Variants in NT5DC1 observed in about 807,000 individuals in gnomAD.
NT5DC1 encodes 5'-nucleotidase domain containing 1, also known as 5'-nucleotidase domain-containing protein 1.
NT5DC1 carries 42 observed loss-of-function variants against 59.4 expected under a neutral mutation model. The ratio of observed to expected loss-of-function variants is 0.71; its 90% confidence interval spans 0.55 to 0.92. The LOEUF (loss-of-function observed/expected upper bound fraction) is 0.92. NT5DC1 is among the 40% of genes least tolerant of loss of function. NT5DC1 has a pLI of 0.00. For synonymous variants in NT5DC1, 172 were observed against 188.1 expected, an observed-to-expected ratio of 0.91 and a Z score of 0.70; for missense variants, 501 against 537.1, an observed-to-expected ratio of 0.93 and a Z score of 0.66.
intron 6 of NT5DC1, among the ~76,000 whole-genome samples, chr6:116,167,986 A>G (rs1053704410): frequency 5.9e-5 from 9 of 151,972 alleles, no homozygotes; most frequent in Non-Finnish European, 7.4e-5. Flanking sequence ...TTCAGTTATC[A>G]GTATAATTGT....
intron 6 of NT5DC1, among the ~76,000 whole-genome samples, chr6:116,126,861 A>G (rs548924770): frequency 4.6e-5 from 7 of 152,176 alleles, no homozygotes; most frequent in Non-Finnish European, 1.0e-4. Context: ...TAAAAAAAAT[A>G]TTATTGGCTT....
intron 6 of NT5DC1, among the ~76,000 whole-genome samples, chr6:116,172,395 C>G (rs1179350464): frequency 6.9e-6 from 1 of 143,904 alleles, no homozygotes; most frequent in African/African-American, 2.6e-5. Flanking sequence ...AATCTTGGCT[C>G]GCTGCAACCT....
At chr6:116,157,021 G>A (rs988680724) in intron 6 of NT5DC1, among the ~76,000 whole-genome samples, 1 of 152,112 alleles carries the variant, frequency 6.6e-6, no homozygotes, top group African/African-American at 2.4e-5. Context: ...CTTTGCCTAA[G>A]TGCGTTCACT....
intron 8 of NT5DC1, among the ~76,000 whole-genome samples, chr6:116,232,546 T>C (rs1212215262): frequency 6.6e-6 from 1 of 151,876 alleles, no homozygotes; most frequent in Non-Finnish European, 1.5e-5. Flanking sequence ...CATAAATGCA[T>C]ATTTTTAAAC....
intron 1 of NT5DC1, 128 bp from the exon 2 acceptor site, chr6:116,106,116 C>G: frequency 1.4e-6 from 1 of 696,070 alleles, no homozygotes. Context: ...TGCAGAACTT[C>G]ACAATTACAG....
chr6:116,108,643 A>G (rs1251011413), intron 3 of NT5DC1, among the ~76,000 whole-genome samples: 1 of 152,206 alleles, frequency 6.6e-6, no homozygotes, highest in Non-Finnish European at 1.5e-5. Context: ...AGTTCCTTTA[A>G]GTTTACATCA....
chr6:116,127,229 T>TG (rs1432375136), intron 6 of NT5DC1, among the ~76,000 whole-genome samples: 1 of 152,144 alleles, frequency 6.6e-6, no homozygotes, highest in African/African-American at 2.4e-5. Context: ...GACCAGTGAA[T>TG]GAACTAAAGA....
At chr6:116,241,779 C>T (rs1167978575) in intron 11 of NT5DC1, among the ~76,000 whole-genome samples, 2 of 151,382 alleles carry the variant, frequency 1.3e-5, no homozygotes, top group Non-Finnish European at 2.9e-5. Flanking sequence ...AAAAATTAGC[C>T]AGGCGTGGTG....
intron 6 of NT5DC1, among the ~76,000 whole-genome samples, chr6:116,193,851 A>G (rs953854927): frequency 2.0e-5 from 3 of 152,004 alleles, no homozygotes; most frequent in Admixed American, 6.6e-5. Flanking sequence ...CAGGCAGATC[A>G]CTTGAGCCCA....
At chr6:116,111,298 G>A (rs1465251259) in intron 4 of NT5DC1, among the ~76,000 whole-genome samples, 2 of 152,054 alleles carry the variant, frequency 1.3e-5, no homozygotes, top group Non-Finnish European at 2.9e-5. Context: ...CTCCATCTCT[G>A]ATTCCTCCAG....
intron 10 of NT5DC1, 78 bp downstream of exon 10, chr6:116,238,426 C>T: frequency 1.2e-6 from 1 of 834,832 alleles, no homozygotes. Context: ...TACTACTTGA[C>T]TCCAAAATTG....
intron 6 of NT5DC1, among the ~76,000 whole-genome samples, chr6:116,150,089 T>C (rs553692140): frequency 6.6e-6 from 1 of 152,262 alleles, no homozygotes; most frequent in South Asian, 2.1e-4. Flanking sequence ...TCATGTTGTT[T>C]TCTAGTCCCT....
chr6:116,117,725 C>G, intron 5 of NT5DC1, 136 bp from the exon 6 acceptor site: 2 of 589,664 alleles, frequency 3.4e-6, no homozygotes, highest in Non-Finnish European at 6.0e-6. Flanking sequence ...ACTTTTGTAC[C>G]ATTATAAAAT....
At chr6:116,155,750 C>CT (rs1476987316) in intron 6 of NT5DC1, among the ~76,000 whole-genome samples, 1 of 140,794 alleles carries the variant, frequency 7.1e-6, no homozygotes, top group Non-Finnish European at 1.5e-5. Flanking sequence ...TGTACTTCTC[C>CT]TTAAAAAAAA....
At chr6:116,235,628 A>C (rs1782100822) in intron 8 of NT5DC1, among the ~76,000 whole-genome samples, 2 of 152,232 alleles carry the variant, frequency 1.3e-5, no homozygotes, top group South Asian at 2.1e-4. Context: ...TGAATAAATT[A>C]TATTTCATTT....
chr6:116,213,657 C>G (rs1418122948), intron 6 of NT5DC1, among the ~76,000 whole-genome samples: 3 of 152,042 alleles, frequency 2.0e-5, no homozygotes, highest in Non-Finnish European at 4.4e-5. Flanking sequence ...AATTTAACAT[C>G]TGTTCTATGT....
At chr6:116,225,717 A>G (rs1167556870) in intron 8 of NT5DC1, among the ~76,000 whole-genome samples, 1 of 152,238 alleles carries the variant, frequency 6.6e-6, no homozygotes, top group Non-Finnish European at 1.5e-5. Flanking sequence ...AGCTCTTTCT[A>G]GAATTTTAGC....
chr6:116,190,318 A>G (rs138167684), intron 6 of NT5DC1, among the ~76,000 whole-genome samples: 143 of 152,102 alleles, frequency 9.4e-4, no homozygotes, highest in African/African-American at 3.3e-3. Context: ...AAAAAATGAG[A>G]TTATTACCAT....
At chr6:116,166,427 A>G (rs545806962) in intron 6 of NT5DC1, among the ~76,000 whole-genome samples, 1 of 152,332 alleles carries the variant, frequency 6.6e-6, no homozygotes, top group African/African-American at 2.4e-5. Context: ...CCAATCTTCA[A>G]CAAAGGTGCT....
Sources: allele counts gnomAD v4.1 joint callset (sites outside exome capture counted in the v4.1 genomes callset), GRCh38; gene constraint gnomAD v4.1.1; transcripts MANE v1.5; gene names NCBI Gene and HGNC (gene_info 2026-07-23, HGNC 2026-07-21).